EBF1: variants seen among roughly 807,000 people sequenced by gnomAD.
EBF1 encodes EBF transcription factor 1.
EBF1 carries 10 observed loss-of-function variants against 68.4 expected under a neutral mutation model. The ratio of observed to expected loss-of-function variants is 0.15; its 90% confidence interval spans 0.09 to 0.25. The LOEUF (loss-of-function observed/expected upper bound fraction) is 0.25, where lower values mean the gene tolerates loss of function less well. EBF1 is among the 10% of genes least tolerant of loss of function. EBF1 has a pLI of 1.00. For synonymous variants in EBF1, 298 were observed against 299.8 expected (o/e 0.99, Z 0.06); for missense variants, 509 against 794.4 (o/e 0.64, Z 4.32).
intron 6 of EBF1, among the ~76,000 whole-genome samples, chr5:158,904,318 C>A (rs1804088574): frequency 6.6e-6 from 1 of 152,206 alleles, no homozygotes; most frequent in African/African-American, 2.4e-5. Flanking sequence ...CAGCAGACAG[C>A]AAGTTCCCAG....
chr5:159,037,764 A>T (rs1164764646), intron 6 of EBF1, among the ~76,000 whole-genome samples: 2 of 151,452 alleles, frequency 1.3e-5, no homozygotes, highest in African/African-American at 4.9e-5. Flanking sequence ...TATGTAACTA[A>T]CCTGCACAAT....
chr5:159,006,342 C>T (rs893829774), intron 6 of EBF1, among the ~76,000 whole-genome samples: 11 of 151,950 alleles, frequency 7.2e-5, no homozygotes, highest in African/African-American at 2.7e-4. Context: ...GGGGATGACA[C>T]CATGAGTCCT....
intron 6 of EBF1, among the ~76,000 whole-genome samples, chr5:158,903,168 G>A (rs531122273): frequency 4.6e-4 from 70 of 152,270 alleles, no homozygotes; most frequent in Non-Finnish European, 7.6e-4. Context: ...GAAGCCTGTC[G>A]CATTGGATTG....
intron 6 of EBF1, among the ~76,000 whole-genome samples, chr5:158,851,652 A>G (rs1362148423): frequency 1.3e-5 from 1 of 78,660 alleles, no homozygotes. Flanking sequence ...AAGGAAAGGG[A>G]AGGGGAGGGG....
intron 9 of EBF1, among the ~76,000 whole-genome samples, chr5:158,781,435 T>G (rs2127694551): frequency 6.6e-6 from 1 of 151,812 alleles, no homozygotes; most frequent in African/African-American, 2.4e-5. Flanking sequence ...CTAAACTGAT[T>G]TCCAAATCTA....
At chr5:158,756,144 C>T (rs555355289) in intron 10 of EBF1, among the ~76,000 whole-genome samples, 2 of 152,172 alleles carry the variant, frequency 1.3e-5, no homozygotes, top group African/African-American at 4.8e-5. Flanking sequence ...GGTTGAGCCC[C>T]CCAGATTCCA....
intron 6 of EBF1, among the ~76,000 whole-genome samples, chr5:159,066,799 C>A (rs938926404): frequency 6.6e-6 from 1 of 152,162 alleles, no homozygotes; most frequent in Non-Finnish European, 1.5e-5. Context: ...TCTACCCACA[C>A]CTTTCAAGGC....
At chr5:158,807,674 C>T (rs1447963295) in intron 8 of EBF1, among the ~76,000 whole-genome samples, 1 of 152,130 alleles carries the variant, frequency 6.6e-6, no homozygotes, top group Non-Finnish European at 1.5e-5. Flanking sequence ...CACTGACTTA[C>T]CAAACAATAA....
chr5:158,806,777 G>A (rs1211310276), intron 8 of EBF1, among the ~76,000 whole-genome samples: 1 of 152,134 alleles, frequency 6.6e-6, no homozygotes, highest in Non-Finnish European at 1.5e-5. Context: ...CCTAGGTGAT[G>A]AAGCCTATTA....
intron 6 of EBF1, among the ~76,000 whole-genome samples, chr5:158,859,462 T>A (rs980098719): frequency 1.3e-5 from 2 of 152,188 alleles, no homozygotes; most frequent in Non-Finnish European, 2.9e-5. Context: ...TTTCTTACAA[T>A]TCTGAGGTCA....
At chr5:159,016,530 T>A (rs1267770235) in intron 6 of EBF1, among the ~76,000 whole-genome samples, 1 of 152,184 alleles carries the variant, frequency 6.6e-6, no homozygotes, top group Admixed American at 6.5e-5. Context: ...GTGCTTGCTC[T>A]TTTTCATCTA....
rs1471620829 is a variant in EBF1 at position 158,969,908 on chromosome 5, GAAAGAAAGAA to G, written c.554+103478_554+103487del. Among the ~76,000 whole-genome samples the G allele has an allele frequency of 8.4e-3, 875 of 104,302 alleles. 4 individuals carry two copies. The highest frequency in any genetic ancestry group is 0.014 in the Admixed American group (127 of 9,028). The allele number at this position is 104,302 out of a possible 152,430, so 68.4% of individuals were successfully genotyped here. On this transcript the variant is annotated intron_variant, in intron 6 of 15. Coordinates refer to ENST00000313708, the MANE Select transcript of EBF1 (RefSeq NM_024007.5). ...AGAAAGAAAGAAAGAAAGAAAGAAA[GAAAGAAAGAA>G]AAAAAAAAAAAAGGCTGCTGGAAGT...
chr5:158,806,880 G>A (rs962618015), intron 8 of EBF1, among the ~76,000 whole-genome samples: 3 of 152,100 alleles, frequency 2.0e-5, no homozygotes, highest in Non-Finnish European at 2.9e-5. Flanking sequence ...CTGACTGGAT[G>A]TTTGATCCCA....
At position 158,861,364 on chromosome 5, in the gene EBF1, C is replaced by T. The variant is rs147830122; in HGVS notation, c.555-21254G>A. Among the ~76,000 whole-genome samples, 685 of 139,602 alleles carry T rather than the reference C, an allele frequency of 4.9e-3. 4 individuals carry two copies. The highest frequency in any genetic ancestry group is 0.018 in the African/African-American group (654 of 37,206). 91.6% of individuals were successfully genotyped at this position (139,602 alleles called of 152,430 possible). On this transcript the variant is annotated intron_variant, in intron 6 of 15. Transcript: ENST00000313708. ...ACTCAATTTTTAGAGACTTGCTGAT[C>T]AGCAATGGAGCCCTGCCATGAGAAC...
chr5:158,895,853 C>T (rs1041822834), intron 6 of EBF1, among the ~76,000 whole-genome samples: 3 of 152,220 alleles, frequency 2.0e-5, no homozygotes, highest in Non-Finnish European at 2.9e-5. Flanking sequence ...AAAAATAAAA[C>T]TCCTGAGATC....
At chr5:158,928,918 T>C (rs1442743619) in intron 6 of EBF1, among the ~76,000 whole-genome samples, 1 of 152,214 alleles carries the variant, frequency 6.6e-6, no homozygotes, top group Admixed American at 6.5e-5. Context: ...TGCATATAAT[T>C]TGAGACTTTT....
chr5:158,803,005 G>T (rs11135046), intron 8 of EBF1, among the ~76,000 whole-genome samples: 66,179 of 151,910 alleles, frequency 0.44, 16,480 homozygotes, highest in South Asian at 0.63. Flanking sequence ...GTACTGAGTA[G>T]GTGGAACTGG....
intron 7 of EBF1, among the ~76,000 whole-genome samples, chr5:158,826,635 A>T (rs1291320211): frequency 2.0e-5 from 3 of 152,204 alleles, no homozygotes; most frequent in Admixed American, 6.5e-5. Context: ...AATTTCTATT[A>T]GGGGGCTTTG....
chr5:158,701,625 G>A (rs1756791683), intron 15 of EBF1, among the ~76,000 whole-genome samples: 1 of 152,212 alleles, frequency 6.6e-6, no homozygotes, highest in African/African-American at 2.4e-5. Flanking sequence ...GGCATGCCTG[G>A]GCAGTGACTC....
Sources: gnomAD v4.1 joint callset for allele counts (sites outside exome capture counted in the v4.1 genomes callset) on GRCh38, gnomAD v4.1.1 for gene constraint, MANE v1.5 for transcripts, NCBI Gene and HGNC (gene_info 2026-07-23, HGNC 2026-07-21) for gene names.